The following GPR19 variants were observed in gnomAD, a reference collection of about 807,000 sequenced individuals.
The protein encoded by GPR19 is probable G protein-coupled receptor 19.
GPR19 carries 14 observed loss-of-function variants against 28.5 expected under a neutral mutation model. The ratio of observed to expected loss-of-function variants is 0.49; its 90% CI spans 0.32 to 0.77. The LOEUF (loss-of-function observed/expected upper bound fraction) is 0.77. GPR19 is among the 30% of genes least tolerant of loss of function. The probability of loss-of-function intolerance (pLI) is 0.03; values close to 1 mark genes in which losing one functional copy is unlikely to be tolerated. For missense variants in GPR19, 409 were observed against 504.1 expected, an observed-to-expected ratio of 0.81 and a Z score of 1.81; for synonymous variants, 173 against 184.1, an observed-to-expected ratio of 0.94 and a Z score of 0.49.
the GPR19 span, among the ~76,000 whole-genome samples, chr12:12,714,440 G>A: frequency 6.6e-6 from 1 of 152,188 alleles, no homozygotes; most frequent in Admixed American, 6.5e-5. Flanking sequence ...ACTTGTCTAT[G>A]ACACAGGTGT....
At chr12:12,683,067 T>C (rs1028831914) in intron 3 of GPR19, among the ~76,000 whole-genome samples, 1 of 152,216 alleles carries the variant, frequency 6.6e-6, no homozygotes, top group Non-Finnish European at 1.5e-5. Flanking sequence ...TAGGCTGGCC[T>C]TGCTAGGTTC....
the GPR19 span, among the ~76,000 whole-genome samples, chr12:12,711,705 G>A: frequency 1.3e-5 from 2 of 152,096 alleles, no homozygotes; most frequent in African/African-American, 4.8e-5. Flanking sequence ...GATAACTTGA[G>A]CCCAAGAGTT....
chr12:12,709,817 T>C, the GPR19 span, among the ~76,000 whole-genome samples: 2 of 152,172 alleles, frequency 1.3e-5, no homozygotes, highest in Non-Finnish European at 2.9e-5. Context: ...AATTTACTAA[T>C]TGAAGTTTCT....
At chr12:12,673,846 T>C (rs951477937) in intron 3 of GPR19, among the ~76,000 whole-genome samples, 3 of 152,134 alleles carry the variant, frequency 2.0e-5, no homozygotes, top group Non-Finnish European at 4.4e-5. Context: ...GTGAAATGAA[T>C]ATGCCATTTT....
intron 2 of GPR19, among the ~76,000 whole-genome samples, chr12:12,693,500 C>T (rs1946215077): frequency 6.6e-6 from 1 of 152,210 alleles, no homozygotes; most frequent in Admixed American, 6.5e-5. Flanking sequence ...GTTGCCTGTG[C>T]TAGATCAAAA....
At chr12:12,689,467 A>T (rs1043617514) in intron 2 of GPR19, among the ~76,000 whole-genome samples, 3 of 152,174 alleles carry the variant, frequency 2.0e-5, no homozygotes, top group Non-Finnish European at 4.4e-5. Context: ...CATCTACAGA[A>T]AAAAGTGACA....
intron 3 of GPR19, 135 bp from the exon 4 acceptor site, chr12:12,662,605 G>T: frequency 1.3e-6 from 1 of 752,654 alleles, no homozygotes; most frequent in South Asian, 1.9e-5. Context: ...TTGAGCGTTG[G>T]CAGGAAAACA....
chr12:12,677,018 G>T (rs1945941224), intron 3 of GPR19, among the ~76,000 whole-genome samples: 1 of 152,166 alleles, frequency 6.6e-6, no homozygotes, highest in Admixed American at 6.5e-5. Context: ...AAAAGGAGGT[G>T]AAGGACTTGT....
At chr12:12,687,604 A>G (rs1946115341) in intron 2 of GPR19, among the ~76,000 whole-genome samples, 2 of 152,190 alleles carry the variant, frequency 1.3e-5, no homozygotes, top group Non-Finnish European at 2.9e-5. Flanking sequence ...GCGTTGTCTG[A>G]ATTTAAAAAC....
intron 3 of GPR19, among the ~76,000 whole-genome samples, chr12:12,681,930 C>T (rs1419054965): frequency 1.3e-5 from 2 of 152,186 alleles, no homozygotes; most frequent in Non-Finnish European, 2.9e-5. Flanking sequence ...GAAAGGTAGT[C>T]TGACCCTAAC....
chr12:12,666,113 T>G (rs1246609905), intron 3 of GPR19, among the ~76,000 whole-genome samples: 3 of 152,156 alleles, frequency 2.0e-5, no homozygotes, highest in African/African-American at 7.2e-5. Context: ...GGATTGAATT[T>G]TGGGGTCATT....
chr12:12,677,575 C>T (rs1945951089), intron 3 of GPR19, among the ~76,000 whole-genome samples: 1 of 151,990 alleles, frequency 6.6e-6, no homozygotes, highest in South Asian at 2.1e-4. Context: ...CTGCGCCTGG[C>T]CACAGATGTT....
At chr12:12,671,791 C>G (rs1337100944) in intron 3 of GPR19, among the ~76,000 whole-genome samples, 1 of 152,198 alleles carries the variant, frequency 6.6e-6, no homozygotes, top group Non-Finnish European at 1.5e-5. Flanking sequence ...CAACCTCTCT[C>G]ACAATTACAG....
At chr12:12,697,171 A>AAAAAAAAAAAAAC (rs1946278727), upstream of GPR19, among the ~76,000 whole-genome samples, 1 of 149,674 alleles carries the variant, frequency 6.7e-6, no homozygotes, top group Non-Finnish European at 1.5e-5. Flanking sequence ...AAAAAAAAAA[A>AAAAAAAAAAAAAC]AAAAAAGCAG....
At chr12:12,667,199 C>T (rs1945794698) in intron 3 of GPR19, among the ~76,000 whole-genome samples, 2 of 152,330 alleles carry the variant, frequency 1.3e-5, no homozygotes, top group African/African-American at 4.8e-5. Flanking sequence ...CTTTCCTGTT[C>T]GACCTATCTC....
chr12:12,698,388 T>A (rs1463586975), upstream of GPR19, among the ~76,000 whole-genome samples: 1 of 152,180 alleles, frequency 6.6e-6, no homozygotes, highest in Non-Finnish European at 1.5e-5. Flanking sequence ...CATACTCCCC[T>A]GTGATTACTC....
chr12:12,680,946 C>T (rs937594774), intron 3 of GPR19, among the ~76,000 whole-genome samples: 1 of 152,194 alleles, frequency 6.6e-6, no homozygotes, highest in African/African-American at 2.4e-5. Context: ...CCCTCAGCCT[C>T]CCAAACAGCT....
intron 3 of GPR19, 104 bp from the exon 4 acceptor site, chr12:12,662,574 T>C (rs1165400541): frequency 3.3e-6 from 3 of 902,866 alleles, no homozygotes; most frequent in African/African-American, 3.3e-5. Context: ...ACATTGATTG[T>C]CATTTGTCTT....
intron 3 of GPR19, among the ~76,000 whole-genome samples, chr12:12,666,147 G>T (rs1325887237): frequency 6.6e-6 from 1 of 152,020 alleles, no homozygotes; most frequent in Non-Finnish European, 1.5e-5. Context: ...CTTTTTTGGG[G>T]CCCTTTTCCC....
Sources: allele counts gnomAD v4.1 joint callset (sites outside exome capture counted in the v4.1 genomes callset), GRCh38; gene constraint gnomAD v4.1.1; transcripts MANE v1.5; gene names NCBI Gene and HGNC (gene_info 2026-07-23, HGNC 2026-07-21).